TRPM3: variants seen among roughly 807,000 people sequenced by gnomAD.
TRPM3 encodes transient receptor potential cation channel subfamily M member 3, also known as long transient receptor potential channel 3.
In TRPM3, 77 loss-of-function variants were observed where a neutral mutation model predicts 181.2. That is an observed-to-expected ratio of 0.42 (90% CI 0.35 to 0.51). TRPM3 has a LOEUF of 0.51. Among genes scored for constraint, TRPM3 ranks in the 20% least tolerant of loss-of-function variants. The pLI, the probability that TRPM3 is intolerant of heterozygous loss-of-function variation, is 0.01. For missense variants in TRPM3, 1,759 were observed against 2,196.7 expected, an observed-to-expected ratio of 0.80 and a Z score of 3.98; for synonymous variants, 745 against 796.4, an observed-to-expected ratio of 0.94 and a Z score of 1.09.
chr9:71,141,312 C>T (rs897200654), intron 1 of TRPM3, among the ~76,000 whole-genome samples: 13 of 151,996 alleles, frequency 8.6e-5, no homozygotes, highest in Admixed American at 1.3e-4. Flanking sequence ...AATATTCCTA[C>T]GTGATTTACA....
chr9:71,091,783 T>G (rs983808631), intron 1 of TRPM3, among the ~76,000 whole-genome samples: 4 of 152,102 alleles, frequency 2.6e-5, no homozygotes, highest in African/African-American at 9.7e-5. Flanking sequence ...AAATCAATGA[T>G]ATAAACCCTA....
intron 25 of TRPM3, among the ~76,000 whole-genome samples, chr9:70,538,248 A>G (rs185547993): frequency 6.6e-6 from 1 of 152,290 alleles, no homozygotes; most frequent in Non-Finnish European, 1.5e-5. Flanking sequence ...TTATTGCTAG[A>G]ACTCTCTATC....
chr9:71,073,418 T>C (rs987404515), intron 1 of TRPM3, among the ~76,000 whole-genome samples: 1 of 152,180 alleles, frequency 6.6e-6, no homozygotes, highest in East Asian at 1.9e-4. Flanking sequence ...GAAAAACATA[T>C]TGTATCCTTC....
Position 70,783,730 on chromosome 9 carries a change from A to T in TRPM3, c.1148+375T>A, listed in dbSNP as rs899269916. ...TGAACAACCCAGCTTCTCTGAAGTT[A>T]CCAACCTGAACCATCTGGTACAGAC... On this transcript the variant is annotated intron_variant, in intron 7 of 25. Transcript: ENST00000677713. The T allele has an allele frequency of 3.4e-5, 18 of 534,942 alleles. No individual in the cohort carries two copies. The Admixed American group carries it at 3.7e-4, about 11-fold the overall frequency. The allele number at this position is 534,942 out of a possible 1,614,324, so 33.1% of individuals were successfully genotyped here. A position where few individuals can be genotyped will look rare whatever the true frequency, so the allele number is the denominator to read the frequency against.
chr9:70,814,739 C>T (rs1442344673), intron 6 of TRPM3, among the ~76,000 whole-genome samples: 2 of 152,066 alleles, frequency 1.3e-5, no homozygotes, highest in African/African-American at 4.8e-5. Flanking sequence ...TCAAACACAG[C>T]TGTGGGGGCA....
At chr9:71,361,398 C>G (rs936879355) in intron 1 of TRPM3, among the ~76,000 whole-genome samples, 1 of 152,068 alleles carries the variant, frequency 6.6e-6, no homozygotes, top group Non-Finnish European at 1.5e-5. Context: ...ATTAAAGGGA[C>G]TAGGTGGAGA....
At chr9:70,926,216 A>G (rs915768946) in intron 1 of TRPM3, among the ~76,000 whole-genome samples, 1 of 152,162 alleles carries the variant, frequency 6.6e-6, no homozygotes, top group Non-Finnish European at 1.5e-5. Context: ...AATGGGAATA[A>G]ATTATAAATC....
intron 1 of TRPM3, among the ~76,000 whole-genome samples, chr9:71,286,149 G>A (rs1425366287): frequency 6.6e-6 from 1 of 152,176 alleles, no homozygotes; most frequent in Non-Finnish European, 1.5e-5. Flanking sequence ...TCATAAGGTA[G>A]CGAGGTATGG....
At chr9:70,909,567 A>G (rs1205939708) in intron 1 of TRPM3, among the ~76,000 whole-genome samples, 1 of 152,060 alleles carries the variant, frequency 6.6e-6, no homozygotes, top group African/African-American at 2.4e-5. Context: ...TTGAGCAGGT[A>G]GACAAAGGCC....
chr9:70,625,053 A>G lies in TRPM3; in HGVS notation c.1809+138T>C, dbSNP rs2064291684. On this transcript the variant is annotated intron_variant, in intron 14 of 25. Transcript: ENST00000677713. This position sits in a 1 kb window ranked among gnomAD's most constrained non-coding sequence, Gnocchi z 4.8. ...TGATAAGATTAATTTGAATTTCATT[A>G]CTTTTCTTTGATTGTTTAGGTTCAC... 1 of 966,154 alleles carries G rather than the reference A, an allele frequency of 1.0e-6. No homozygotes were observed. The highest frequency in any genetic ancestry group is 1.5e-6 in the Non-Finnish European group (1 of 689,178). 59.8% of individuals were successfully genotyped at this position (966,154 alleles called of 1,614,324 possible).
At position 70,769,245 on chromosome 9, in the gene TRPM3, C is replaced by T. The variant is rs1271221407; in HGVS notation, c.1149-7521G>A. ...GCTCATCTCCTGCCACTCTGTCACA[C>T]ATATCCCATAAATACTGAATCTCCC... On this transcript the variant is annotated intron_variant, in intron 7 of 25. Transcript: ENST00000677713. 7.9e-5 allele frequency among the ~76,000 whole-genome samples: 12 copies of T among 152,276 alleles called. No individual in the cohort carries two copies. In the East Asian group the frequency reaches 2.1e-3, roughly 27 times the overall value.
At chr9:70,552,110 G>A (rs2046610694) in intron 24 of TRPM3, among the ~76,000 whole-genome samples, 1 of 152,190 alleles carries the variant, frequency 6.6e-6, no homozygotes, top group Non-Finnish European at 1.5e-5. Context: ...CACACTTTGA[G>A]AAACCATAGG....
chr9:70,802,961 G>A (rs1287300980), intron 6 of TRPM3, among the ~76,000 whole-genome samples: 3 of 143,212 alleles, frequency 2.1e-5, no homozygotes, highest in African/African-American at 7.6e-5. Flanking sequence ...CCACTAGGGT[G>A]TCTATTCTCA....
intron 25 of TRPM3, among the ~76,000 whole-genome samples, chr9:70,543,867 A>G (rs1035593328): frequency 6.6e-6 from 1 of 152,208 alleles, no homozygotes; most frequent in Non-Finnish European, 1.5e-5. Context: ...GAGTCTGGGA[A>G]TTAAATGCCT....
intron 1 of TRPM3, among the ~76,000 whole-genome samples, chr9:71,040,792 G>A (rs978179936): frequency 2.0e-5 from 3 of 152,044 alleles, no homozygotes; most frequent in African/African-American, 7.2e-5. Flanking sequence ...CACACACCAT[G>A]GCACTTCTGG....
intron 1 of TRPM3, among the ~76,000 whole-genome samples, chr9:71,098,750 C>G (rs1187340049): frequency 6.6e-6 from 1 of 152,032 alleles, no homozygotes; most frequent in Non-Finnish European, 1.5e-5. Flanking sequence ...CTATTTATAA[C>G]CTCAAAAACT....
intron 8 of TRPM3, among the ~76,000 whole-genome samples, chr9:70,758,659 G>C (rs1157404900): frequency 1.3e-5 from 2 of 152,004 alleles, no homozygotes; most frequent in Non-Finnish European, 2.9e-5. Context: ...CAGAACAGAG[G>C]CCTCAGAAAT....
At chr9:71,013,774 A>T (rs550419600) in intron 1 of TRPM3, among the ~76,000 whole-genome samples, 62 of 152,070 alleles carry the variant, frequency 4.1e-4, no homozygotes, top group Non-Finnish European at 9.1e-4. Flanking sequence ...ATCCATTGCC[A>T]TCTCTTGTTT....
chr9:71,060,038 G>A lies in TRPM3; in HGVS notation c.177+61140C>T, dbSNP rs62545477. On this transcript the variant is annotated intron_variant, in intron 1 of 25. Transcript: ENST00000677713. ...TGAGAGCTGTATACATACATTTGAA[G>A]GTCTGAAATGTAGAAGAGAATCAGA... is the stretch of plus-strand genomic sequence containing the variant. Among the ~76,000 whole-genome samples the A allele has an allele frequency of 6.9e-3, 1,046 of 152,182 alleles. 2 individuals are homozygous for A. Among genetic ancestry groups the A allele is most frequent in the Middle Eastern group, 0.014 (4 of 294 alleles).
Sources: allele counts gnomAD v4.1 joint callset (sites outside exome capture counted in the v4.1 genomes callset), GRCh38; gene constraint gnomAD v4.1.1; non-coding constraint Gnocchi (gnomAD v3.1); transcripts MANE v1.5; gene names NCBI Gene and HGNC (gene_info 2026-07-23, HGNC 2026-07-21).